Variants in IL1RAP observed in about 807,000 individuals in gnomAD.
The protein encoded by IL1RAP is interleukin-1 receptor accessory protein.
In IL1RAP, 35 loss-of-function variants were observed where a neutral mutation model predicts 60.7. That is an observed-to-expected ratio of 0.58 (90% confidence interval 0.44 to 0.76). IL1RAP has a LOEUF of 0.76. IL1RAP is among the 30% of genes least tolerant of loss of function. The probability of loss-of-function intolerance (pLI) is 0.00; values close to 1 mark genes in which losing one functional copy is unlikely to be tolerated. For synonymous variants in IL1RAP, 268 were observed against 250.9 expected, an observed-to-expected ratio of 1.07 and a Z score of -0.64; for missense variants, 572 against 693.9, an observed-to-expected ratio of 0.82 and a Z score of 1.97.
chr3:190,642,837 G>A (rs1178467124), intron 9 of IL1RAP, among the ~76,000 whole-genome samples: 1 of 152,160 alleles, frequency 6.6e-6, no homozygotes, highest in Non-Finnish European at 1.5e-5. Flanking sequence ...GATGTCAATA[G>A]ATAATAATCA....
intron 5 of IL1RAP, among the ~76,000 whole-genome samples, chr3:190,610,818 G>T (rs867833068): frequency 6.6e-6 from 1 of 152,096 alleles, no homozygotes; most frequent in Non-Finnish European, 1.5e-5. Flanking sequence ...TACAATTTGG[G>T]AGTCAACTTG....
At chr3:190,538,183 C>T (rs1429777005) in intron 1 of IL1RAP, among the ~76,000 whole-genome samples, 2 of 152,142 alleles carry the variant, frequency 1.3e-5, no homozygotes, top group Non-Finnish European at 2.9e-5. Flanking sequence ...CCTTTATTTA[C>T]ACTTTATGCC....
At chr3:190,634,937 G>A (rs570956182) in intron 9 of IL1RAP, among the ~76,000 whole-genome samples, 2 of 152,150 alleles carry the variant, frequency 1.3e-5, no homozygotes, top group East Asian at 1.9e-4. Flanking sequence ...GGATGGTCTC[G>A]ATCTCCTGAC....
At chr3:190,644,550 G>A (rs34531749) in intron 10 of IL1RAP, among the ~76,000 whole-genome samples, 153 bp downstream of exon 10, 43,945 of 151,986 alleles carry the variant, frequency 0.29, 7,382 homozygotes, top group African/African-American at 0.47. Context: ...GTTGCTATTA[G>A]AAATCTTTCC....
At chr3:190,621,431 A>G (rs970701439) in intron 6 of IL1RAP, among the ~76,000 whole-genome samples, 1 of 152,202 alleles carries the variant, frequency 6.6e-6, no homozygotes, top group South Asian at 2.1e-4. Context: ...ATTCATAAGA[A>G]AAAAACAGAC....
At chr3:190,607,917 C>T (rs75044401) in intron 4 of IL1RAP, among the ~76,000 whole-genome samples, 26 of 152,224 alleles carry the variant, frequency 1.7e-4, no homozygotes, top group African/African-American at 6.0e-4. Context: ...CCTTTTCTAT[C>T]GTTCTATCAT....
Position 190,644,364 on chromosome 3 carries a change from C to T in IL1RAP, c.1168C>T (p.Arg390Trp), listed in dbSNP as rs770927268. 6.2e-6 allele frequency: 10 copies of T among 1,613,644 alleles called. No homozygotes were observed. The East Asian group carries it at 6.7e-5, about 11-fold the overall frequency. Reference sequence around the variant, plus strand: ...CTGGCTAGAGATGGTCCTATTTTACCGGGCTCATTTTGGAACAGATGAAAC... The same window carrying T: ...CTGGCTAGAGATGGTCCTATTTTACTGGGCTCATTTTGGAACAGATGAAAC... Reference protein sequence around the residue: ...VYWLEMVLFYRAHFGTDETIL... With the variant: ...VYWLEMVLFYWAHFGTDETIL... Residue 390 changes from arginine (R) to tryptophan (W), a missense_variant, in exon 10 of 12, where the codon CGG (arginine) becomes TGG (tryptophan). Transcript: ENST00000447382.
At chr3:190,600,143 A>C (rs1418159281) in intron 3 of IL1RAP, among the ~76,000 whole-genome samples, 1 of 152,158 alleles carries the variant, frequency 6.6e-6, no homozygotes, top group Admixed American at 6.6e-5. Context: ...GTGAGTGTGA[A>C]GCCGTGATGC....
At chr3:190,638,747 G>A (rs1191286130) in intron 9 of IL1RAP, among the ~76,000 whole-genome samples, 1 of 151,780 alleles carries the variant, frequency 6.6e-6, no homozygotes, top group Non-Finnish European at 1.5e-5. Context: ...TTTCATGAAT[G>A]GTGTGTAGTA....
chr3:190,537,137 T>G (rs1723536615), intron 1 of IL1RAP, among the ~76,000 whole-genome samples: 1 of 152,196 alleles, frequency 6.6e-6, no homozygotes, highest in African/African-American at 2.4e-5. Context: ...ATTTAAAGAT[T>G]TTGCTGATTT....
At chr3:190,565,967 C>T (rs1023129753) in intron 3 of IL1RAP, among the ~76,000 whole-genome samples, 2 of 151,780 alleles carry the variant, frequency 1.3e-5, no homozygotes, top group African/African-American at 4.8e-5. Flanking sequence ...CTTCTCTCCT[C>T]CTCCTCCCTC....
chr3:190,635,209 G>A (rs1000432785), intron 9 of IL1RAP, among the ~76,000 whole-genome samples: 1 of 152,012 alleles, frequency 6.6e-6, no homozygotes, highest in Non-Finnish European at 1.5e-5. Flanking sequence ...GATTTTTAGT[G>A]ATGTTCCACT....
Position 190,649,941 on chromosome 3 carries a change from T to C in IL1RAP, c.*1236T>C. 1 of 830,440 alleles carries C rather than the reference T, an allele frequency of 1.2e-6. No homozygotes were observed. Among genetic ancestry groups the C allele is most frequent in the Non-Finnish European group, 1.5e-6 (1 of 688,428 alleles). The allele number at this position is 830,440 out of a possible 1,614,324, so 51.4% of individuals were successfully genotyped here. A position where few individuals can be genotyped will look rare whatever the true frequency, so the allele number is the denominator to read the frequency against. ...CTATGTTACATGTAGATTATACATA[T>C]ATATACACACGTGTATATGAGATAT... On this transcript the variant is annotated 3_prime_UTR_variant, in exon 12 of 12. Coordinates refer to ENST00000447382, the MANE Select transcript of IL1RAP (RefSeq NM_002182.4).
At chr3:190,656,619 G>T (rs771966810) in exon 12 of IL1RAP, 3 of 1,442,242 alleles carry the variant, frequency 2.1e-6, no homozygotes, top group Non-Finnish European at 2.8e-6. Context: ...TACTGTGTGT[G>T]GTGGGTGGTG....
At chr3:190,556,775 G>A (rs1358845781) in intron 2 of IL1RAP, among the ~76,000 whole-genome samples, 4 of 152,188 alleles carry the variant, frequency 2.6e-5, no homozygotes, top group Non-Finnish European at 5.9e-5. Flanking sequence ...AATAATATTA[G>A]TGGTAGCTCA....
intron 2 of IL1RAP, among the ~76,000 whole-genome samples, chr3:190,559,393 C>A (rs950939398): frequency 6.6e-6 from 1 of 151,612 alleles, no homozygotes; most frequent in Non-Finnish European, 1.5e-5. Flanking sequence ...TATTTGATTT[C>A]TACTCTATAA....
chr3:190,603,920 A>G (rs554425347), intron 3 of IL1RAP, among the ~76,000 whole-genome samples: 2 of 152,154 alleles, frequency 1.3e-5, no homozygotes, highest in African/African-American at 2.4e-5. Flanking sequence ...TATTCAAGAG[A>G]TACTCAGAAA....
intron 1 of IL1RAP, among the ~76,000 whole-genome samples, chr3:190,544,088 T>A (rs528090559): frequency 2.0e-5 from 3 of 152,300 alleles, no homozygotes; most frequent in Admixed American, 6.5e-5. Context: ...CATACATGCA[T>A]TTTCTTCCCT....
intron 1 of IL1RAP, among the ~76,000 whole-genome samples, chr3:190,544,796 G>T (rs1163092471): frequency 6.6e-6 from 1 of 152,158 alleles, no homozygotes; most frequent in Non-Finnish European, 1.5e-5. Context: ...CATCCTGAAA[G>T]GCCCTGAAAG....
Sources: allele counts gnomAD v4.1 joint callset (sites outside exome capture counted in the v4.1 genomes callset), GRCh38; gene constraint gnomAD v4.1.1; transcripts MANE v1.5; gene names NCBI Gene and HGNC (gene_info 2026-07-23, HGNC 2026-07-21).